Variants in MBNL3 observed in about 807,000 individuals in gnomAD.
The protein encoded by MBNL3 is muscleblind like splicing regulator 3.
MBNL3 carries 6 observed loss-of-function variants against 24.5 expected under a neutral mutation model. That is an observed-to-expected ratio of 0.25 (90% confidence interval 0.13 to 0.48). The LOEUF (loss-of-function observed/expected upper bound fraction) is 0.48. Ranked by LOEUF, MBNL3 falls within the 20% of genes least tolerant of loss-of-function variation. The pLI, the probability that MBNL3 is intolerant of heterozygous loss-of-function variation, is 0.99. For missense variants in MBNL3, 230 were observed against 293.5 expected (o/e 0.78, Z 1.58); for synonymous variants, 100 against 101.7 (o/e 0.98, Z 0.10).
At chrX:132,388,433 G>GAAAA (rs1276230510) in intron 5 of MBNL3, among the ~76,000 whole-genome samples, 1 of 112,358 alleles carries the variant, frequency 8.9e-6, no homozygotes, top group African/African-American at 3.2e-5. Flanking sequence ...TTATCTGGTT[G>GAAAA]TTAAAAAGAT....
At chrX:132,426,600 A>G (rs947239240) in intron 2 of MBNL3, among the ~76,000 whole-genome samples, 1 of 111,049 alleles carries the variant, frequency 9.0e-6, no homozygotes. Context: ...TGCTCAGGTT[A>G]TCCCCTCTGC....
chrX:132,425,040 G>A (rs1944186632), intron 2 of MBNL3, among the ~76,000 whole-genome samples: 1 of 111,806 alleles, frequency 8.9e-6, no homozygotes, highest in African/African-American at 3.2e-5. Context: ...TCACAATTAT[G>A]GAAATCATTG....
At chrX:132,413,735 C>T (rs1199041644) in intron 2 of MBNL3, 3 of 537,461 alleles carry the variant, frequency 5.6e-6, no homozygotes, top group Non-Finnish European at 8.1e-6. Context: ...TATTTAAATA[C>T]CCTCGATGTC....
chrX:132,439,553 C>T lies in MBNL3; in HGVS notation c.59G>A (p.Cys20Tyr), dbSNP rs868235043. 1 of 1,209,079 alleles carries T rather than the reference C, an allele frequency of 8.3e-7. No homozygotes were observed. The highest frequency in any genetic ancestry group is 1.1e-6 in the Non-Finnish European group (1 of 894,563). The change falls in exon 2 of 9, where the codon TGT becomes TAT. Residue 20 changes from cysteine (C) to tyrosine (Y), a missense_variant. Transcript: ENST00000370853. ...RDTKWLTLEVCREFQRGTCSR... is the reference protein window; with the variant it reads ...RDTKWLTLEVYREFQRGTCSR... ...GCAAGTTCCTCTCTGAAATTCTCTA[C>T]AGACTTCTAAAGTCAGCCACTTGGT...
chrX:132,478,679 T>G (rs777884641), intron 1 of MBNL3, among the ~76,000 whole-genome samples: 1 of 112,583 alleles, frequency 8.9e-6, no homozygotes, highest in South Asian at 3.7e-4. Context: ...TTTCTTACTG[T>G]CTATTTAATG....
intron 2 of MBNL3, among the ~76,000 whole-genome samples, chrX:132,434,836 G>A (rs1352268745): frequency 9.0e-6 from 1 of 111,568 alleles, no homozygotes; most frequent in Non-Finnish European, 1.9e-5. Context: ...TCCTGGAACA[G>A]AAAAATAACA....
intron 3 of MBNL3, among the ~76,000 whole-genome samples, chrX:132,393,293 G>C (rs1276741820): frequency 9.2e-6 from 1 of 108,608 alleles, no homozygotes; most frequent in East Asian, 2.9e-4. Context: ...GAAGGCACTA[G>C]AAATGCTACA....
At chrX:132,461,303 G>C (rs1946617470) in intron 1 of MBNL3, among the ~76,000 whole-genome samples, 1 of 111,477 alleles carries the variant, frequency 9.0e-6, no homozygotes, top group Admixed American at 9.6e-5. Context: ...TTCCGAAAGT[G>C]TTTTGAAATG....
chrX:132,483,686 C>T (rs1257306873), intron 1 of MBNL3, among the ~76,000 whole-genome samples: 2 of 112,140 alleles, frequency 1.8e-5, no homozygotes, highest in Non-Finnish European at 3.8e-5. Context: ...AAATTGCAAG[C>T]GCTAAACCTA....
intron 1 of MBNL3, among the ~76,000 whole-genome samples, chrX:132,444,673 A>G (rs1271079391): frequency 9.0e-6 from 1 of 111,528 alleles, no homozygotes; most frequent in African/African-American, 3.3e-5. Flanking sequence ...GTTAATTTTG[A>G]CTTTGAATTG....
intron 1 of MBNL3, among the ~76,000 whole-genome samples, chrX:132,476,709 AATG>A (rs1947458097): frequency 8.9e-6 from 1 of 112,196 alleles, no homozygotes; most frequent in Non-Finnish European, 1.9e-5. Context: ...GCATGAAATG[AATG>A]ATAAGTTGGT....
intron 2 of MBNL3, among the ~76,000 whole-genome samples, chrX:132,423,616 C>T (rs946726597): frequency 8.9e-6 from 1 of 111,986 alleles, no homozygotes; most frequent in Non-Finnish European, 1.9e-5. Context: ...ATCAGTTGCA[C>T]CCTGCAGCGA....
At position 132,408,974 on chromosome X, in the gene MBNL3, G is replaced by A. The variant is rs930731243; in HGVS notation, c.178-2582C>T. The stretch of plus-strand genomic sequence containing the variant: ...GAGACTGCTGCTTATGTTCCAGAAA[G>A]CTTATAAAATAAAATAAAAATCTGT... On this transcript the variant is annotated intron_variant, in intron 2 of 8. Transcript: ENST00000370853. Among the ~76,000 whole-genome samples, 3 of 112,222 alleles carry A rather than the reference G, an allele frequency of 2.7e-5. No individual in the cohort carries two copies. In the Admixed American group the frequency reaches 2.8e-4, roughly 11 times the overall value.
chrX:132,391,934 A>G (rs1937241302), intron 4 of MBNL3, among the ~76,000 whole-genome samples: 1 of 111,992 alleles, frequency 8.9e-6, no homozygotes, highest in Non-Finnish European at 1.9e-5. Context: ...ATGGCTGGGT[A>G]CACTTAACAT....
upstream of MBNL3, chrX:132,489,962 G>C (rs775372584): frequency 2.7e-5 from 3 of 112,424 alleles, no homozygotes; most frequent in South Asian, 7.3e-4. Context: ...CGCTCGGAGT[G>C]CGGGCACTTT....
In MBNL3 at chrX:132,379,111, A is replaced by G. The variant is rs1934415382; in HGVS notation, c.*555T>C. ...GCACATATACTTCTGTTCCCCACTA[A>G]TAACACTTTAGTTGAAATCAAACAC... is the stretch of plus-strand genomic sequence containing the variant. On this transcript the variant is annotated 3_prime_UTR_variant, in exon 9 of 9. Transcript: ENST00000370853. 8.9e-6 allele frequency: 1 copy of G among 112,451 alleles called. No homozygotes were observed. Among genetic ancestry groups the G allele is most frequent in the Non-Finnish European group, 1.9e-5 (1 of 53,259 alleles). The allele number at this position is 112,451 out of a possible 1,213,427, so 9.3% of individuals were successfully genotyped here.
At chrX:132,411,307 G>A in intron 2 of MBNL3, 2 of 754,130 alleles carry the variant, frequency 2.7e-6, no homozygotes, top group Non-Finnish European at 3.1e-6. Flanking sequence ...TGGGGTGAGA[G>A]CAGAAGAATT....
chrX:132,410,300 C>T (rs920249170), intron 2 of MBNL3, among the ~76,000 whole-genome samples: 1 of 111,647 alleles, frequency 9.0e-6, no homozygotes, highest in African/African-American at 3.3e-5. Flanking sequence ...CACAAGACTT[C>T]CCATGCACTG....
At chrX:132,489,148 A>G (rs1327755086), upstream of MBNL3, 1 of 113,856 alleles carries the variant, frequency 8.8e-6, no homozygotes, top group East Asian at 2.8e-4. Context: ...GGGGTATAAA[A>G]TGTCAAGTCT....
Sources: allele counts gnomAD v4.1 joint callset (sites outside exome capture counted in the v4.1 genomes callset), GRCh38; gene constraint gnomAD v4.1.1; transcripts MANE v1.5; gene names NCBI Gene and HGNC (gene_info 2026-07-23, HGNC 2026-07-21).